The following POGLUT2 variants were observed in gnomAD, a reference collection of about 807,000 sequenced individuals.
POGLUT2 encodes the protein protein O-glucosyltransferase 2.
A neutral mutation model predicts 57.6 loss-of-function variants in POGLUT2; 47 were observed. The observed-to-expected ratio is 0.82, with a 90% CI of 0.65 to 1.04. The LOEUF (loss-of-function observed/expected upper bound fraction) is 1.04. Among genes scored for constraint, POGLUT2 ranks in the 50% least tolerant of loss-of-function variants. The probability of loss-of-function intolerance (pLI) is 0.00; values close to 1 mark genes in which losing one functional copy is unlikely to be tolerated. For synonymous variants in POGLUT2, 200 were observed against 218.8 expected, an observed-to-expected ratio of 0.91 and a Z score of 0.76; for missense variants, 565 against 614.8, an observed-to-expected ratio of 0.92 and a Z score of 0.86.
chr13:102,787,949 C>G, intron 7 of POGLUT2, 26 bp from the exon 8 acceptor site: 1 of 1,455,692 alleles, frequency 6.9e-7, no homozygotes, highest in Non-Finnish European at 9.5e-7. Flanking sequence ...CGACAAAATC[C>G]TGTAATAGAA....
Position 102,793,745 on chromosome 13 carries a change from C to T in POGLUT2, c.450G>A (p.Glu150=), listed in dbSNP as rs145961651. ...GAGCAATGGTTTCAGGGCAGTTCAT[C>T]TCCCGTAGCCAGGCTGCACTATCTT... The part of the protein sequence containing the change: ...PLQDSAAWLR[E]MNCPETIAQI... The change falls in exon 3 of 10, where the codon GAG becomes GAA. Residue 150 remains glutamate (E), a synonymous_variant. Coordinates refer to ENST00000376004, the MANE Select transcript of POGLUT2 (RefSeq NM_024089.3). 6.2e-7 allele frequency: 1 copy of T among 1,614,230 alleles called. No homozygotes were observed. Among genetic ancestry groups the T allele is most frequent in the Non-Finnish European group, 8.5e-7 (1 of 1,180,040 alleles).
rs758912617 is a variant in POGLUT2 at position 102,798,510 on chromosome 13, G to A, written c.161C>T (p.Ala54Val). The A allele has an allele frequency of 1.2e-6, 2 of 1,611,044 alleles. No homozygotes were observed. Among genetic ancestry groups the A allele is most frequent in the Admixed American group, 1.7e-5 (1 of 59,680 alleles). Reference protein sequence around the residue: ...VLPARYFYIQAVDTSGNKFTS... With the variant: ...VLPARYFYIQVVDTSGNKFTS... The stretch of plus-strand genomic sequence containing the variant: ...TTACTTATTCCCTGATGTATCCACT[G>A]CCTGAATATAGAAATAGCGGGCGGG... Residue 54 changes from alanine (A) to valine (V), a missense_variant, in exon 1 of 10, where the codon GCA becomes GTA. Ala to Val is a moderately conservative substitution (Grantham distance 64). Coordinates refer to ENST00000376004, the MANE Select transcript of POGLUT2 (RefSeq NM_024089.3).
In POGLUT2 at chr13:102,784,591, T is replaced by G. The variant is rs1483659951; in HGVS notation, c.1492-79A>C. ...AGAAGACTTACATTCGTTAATTATT[T>G]TCCTGTAAAGATGAGAGGGAGCCAA... On this transcript the variant is annotated intron_variant, in intron 9 of 9. Transcript: ENST00000376004. The G allele has an allele frequency of 6.6e-6, 6 of 905,164 alleles. No homozygotes were observed. In the African/African-American group the frequency reaches 1.0e-4, roughly 15 times the overall value. 56.1% of individuals were successfully genotyped at this position (905,164 alleles called of 1,614,324 possible).
At chr13:102,787,748 T>A (rs1878007241) in intron 8 of POGLUT2, 86 bp downstream of exon 8, 1 of 642,036 alleles carries the variant, frequency 1.6e-6, no homozygotes. Flanking sequence ...TAGTAACATA[T>A]GTTTAGAAAT....
At position 102,793,717 on chromosome 13, in the gene POGLUT2, T is replaced by A; in HGVS notation, c.478A>T (p.Ile160Phe). ...GGGAAATGTGCCAGATCTCTCTGAATCTGAGCAATGGTTTCAGGGCAGTTC... is the reference window on the plus strand; with the variant it reads ...GGGAAATGTGCCAGATCTCTCTGAAACTGAGCAATGGTTTCAGGGCAGTTC... Reference protein sequence around the residue: ...EMNCPETIAQIQRDLAHFPAV... With the variant: ...EMNCPETIAQFQRDLAHFPAV... The change falls in exon 3 of 10, where the codon ATT (isoleucine) becomes TTT (phenylalanine). Residue 160 changes from isoleucine to phenylalanine, a missense_variant. Physicochemically the swap from Ile to Phe is conservative, Grantham distance 21. Transcript: ENST00000376004. 1 of 1,614,142 alleles carries A rather than the reference T, an allele frequency of 6.2e-7. No individual in the cohort carries two copies. Among genetic ancestry groups the A allele is most frequent in the Admixed American group, 1.7e-5 (1 of 60,032 alleles).
At chr13:102,797,480 C>T (rs575900792) in intron 1 of POGLUT2, among the ~76,000 whole-genome samples, 34 of 152,184 alleles carry the variant, frequency 2.2e-4, no homozygotes, top group African/African-American at 8.2e-4. Context: ...ACTATCTCAA[C>T]ATCTTGGGAG....
At position 102,789,231 on chromosome 13, in the gene POGLUT2, A is replaced by G. The variant is rs200895130; in HGVS notation, c.1084-10T>C. Reference sequence around the variant, plus strand: ...TTATTTGATACTTATGCTGCAAAACAATGGTAAAGTCTAAGAACCTCTATT... The same window carrying G: ...TTATTTGATACTTATGCTGCAAAACGATGGTAAAGTCTAAGAACCTCTATT... On this transcript the variant is annotated splice_polypyrimidine_tract_variant and intron_variant, in intron 6 of 9. Coordinates refer to ENST00000376004, the MANE Select transcript of POGLUT2 (RefSeq NM_024089.3). 55 of 1,607,766 alleles carry G rather than the reference A, an allele frequency of 3.4e-5. 1 individual carries two copies. The highest frequency in any genetic ancestry group is 3.3e-4 in the Middle Eastern group (2 of 6,036).
At chr13:102,787,034 G>GT (rs111745447) in intron 8 of POGLUT2, among the ~76,000 whole-genome samples, 112 of 149,122 alleles carry the variant, frequency 7.5e-4, no homozygotes, top group South Asian at 2.7e-3. Context: ...ACCTGATTTT[G>GT]TTTTTTTTTT....
chr13:102,794,613 G>A (rs563884781), intron 2 of POGLUT2, among the ~76,000 whole-genome samples: 2 of 152,244 alleles, frequency 1.3e-5, no homozygotes, highest in African/African-American at 4.8e-5. Flanking sequence ...TGCAGTGAGC[G>A]GAGATTGTGC....
At chr13:102,794,063 C>T (rs989423286) in intron 2 of POGLUT2, among the ~76,000 whole-genome samples, 6 of 151,724 alleles carry the variant, frequency 4.0e-5, no homozygotes, top group Non-Finnish European at 7.4e-5. Flanking sequence ...CACAGGGAGA[C>T]CATGTCTCTA....
Position 102,791,013 on chromosome 13 carries a change from C to T in POGLUT2, c.971G>A (p.Arg324Lys). 1 of 1,614,176 alleles carries T rather than the reference C, an allele frequency of 6.2e-7. No homozygotes were observed. The highest frequency in any genetic ancestry group is 8.5e-7 in the Non-Finnish European group (1 of 1,180,012). The change falls in exon 6 of 10, where the codon AGA (arginine) becomes AAA (lysine). Residue 324 changes from arginine (R) to lysine (K), a missense_variant. By Grantham distance (26) the Arg-to-Lys change is conservative. Coordinates refer to ENST00000376004, the MANE Select transcript of POGLUT2 (RefSeq NM_024089.3). ...AGCGTCTATGAGTTCTGGGTGTTTT[C>T]TACTGAGTTTAACCAGCTCGAGTCT... ...KERLELVKLSRKHPELIDAAF... is the reference protein window; with the variant it reads ...KERLELVKLSKKHPELIDAAF...
intron 1 of POGLUT2, 42 bp from the exon 2 acceptor site, chr13:102,797,051 G>T: frequency 1.5e-6 from 2 of 1,369,026 alleles, no homozygotes; most frequent in South Asian, 2.4e-5. Flanking sequence ...AGATTTTAAC[G>T]AACAAACACA....
At chr13:102,794,894 C>A (rs1357871630) in intron 2 of POGLUT2, among the ~76,000 whole-genome samples, 7 of 149,732 alleles carry the variant, frequency 4.7e-5, no homozygotes, top group Non-Finnish European at 8.9e-5. Flanking sequence ...ATAAGTAAAT[C>A]ATCAATAACA....
intron 4 of POGLUT2, chr13:102,792,184 A>C (rs1878206762): frequency 1.1e-6 from 1 of 871,922 alleles, no homozygotes; most frequent in Non-Finnish European, 1.4e-6. Flanking sequence ...TCTTGAAAAA[A>C]AGGCATTATG....
chr13:102,797,983 C>T (rs182605617), intron 1 of POGLUT2, among the ~76,000 whole-genome samples: 26 of 152,244 alleles, frequency 1.7e-4, no homozygotes, highest in Non-Finnish European at 3.4e-4. Context: ...TTCATTGGAA[C>T]AAAATATTTG....
rs139280225 is a variant in POGLUT2, at chr13:102,791,056, G to A, written c.928C>T (p.Arg310Ter). 19 of 1,613,976 alleles carry A rather than the reference G, an allele frequency of 1.2e-5. No homozygotes were observed. The highest frequency in any genetic ancestry group is 3.3e-5 in the South Asian group (3 of 91,080). The change falls in exon 6 of 10, where the codon CGA (arginine) becomes TGA (stop). Residue 310 changes from arginine to a stop codon, truncating the protein, a stop_gained. Transcript: ENST00000376004. LOFTEE classifies it high-confidence loss of function. ...SKNSTAVWRG[R>*]DSRKERLELV... ...TCGAGTCTCTCTTTGCGGCTGTCTC[G>A]CCCTCTCCAGACGGCAGTGGAATTT...
Position 102,796,939 on chromosome 13 carries a change from C to G in POGLUT2, c.253G>C (p.Val85Leu). 1 of 1,613,790 alleles carries G rather than the reference C, an allele frequency of 6.2e-7. No individual in the cohort carries two copies. Among genetic ancestry groups the G allele is most frequent in the Non-Finnish European group, 8.5e-7 (1 of 1,179,766 alleles). ...VSAPEEQFTR[V>L]GVQVLDRKDG... is the part of the protein sequence containing the mutation. The stretch of plus-strand genomic sequence containing the variant: ...TTTCGGTCTAAAACCTGGACTCCAA[C>G]TCTAGTGAATTGCTCCTCTGGTGCT... Residue 85 changes from valine to leucine, a missense_variant, in exon 2 of 10, where the codon GTT (valine) becomes CTT (leucine). Coordinates refer to ENST00000376004, the MANE Select transcript of POGLUT2 (RefSeq NM_024089.3).
At chr13:102,786,163 GA>G in intron 9 of POGLUT2, 68 bp downstream of exon 9, 2 of 999,414 alleles carry the variant, frequency 2.0e-6, no homozygotes, top group Non-Finnish European at 3.2e-6. Flanking sequence ...ATGACTATAG[GA>G]ATAAAAGCAA....
At chr13:102,795,947 G>A (rs1332410958) in intron 2 of POGLUT2, among the ~76,000 whole-genome samples, 1 of 152,110 alleles carries the variant, frequency 6.6e-6, no homozygotes. Context: ...ACTGTCGCCT[G>A]TAAGAGGGAA....
Sources: gnomAD v4.1 joint callset for allele counts (sites outside exome capture counted in the v4.1 genomes callset) on GRCh38, gnomAD v4.1.1 for gene constraint, MANE v1.5 for transcripts, NCBI Gene and HGNC (gene_info 2026-07-23, HGNC 2026-07-21) for gene names.